SOX5: variants seen among roughly 807,000 people sequenced by gnomAD.
SOX5 encodes SRY-box transcription factor 5.
SOX5 carries 9 observed loss-of-function variants against 92.0 expected under a neutral mutation model. The ratio of observed to expected loss-of-function variants is 0.10; its 90% CI spans 0.06 to 0.17. The LOEUF is 0.17. Among genes scored for constraint, SOX5 ranks in the 10% least tolerant of loss-of-function variants. SOX5 has a pLI of 1.00. For synonymous variants in SOX5, 344 were observed against 336.3 expected (o/e 1.02, Z -0.25); for missense variants, 642 against 944.5 (o/e 0.68, Z 4.20).
chr12:24,337,946 A>G (rs558060842), intron 2 of SOX5, among the ~76,000 whole-genome samples: 1 of 152,198 alleles, frequency 6.6e-6, no homozygotes, highest in South Asian at 2.1e-4. Context: ...TTTTTTTTGC[A>G]CTAAAAGATG....
chr12:24,559,208 T>C (rs1403634087), intron 1 of SOX5, among the ~76,000 whole-genome samples: 1 of 152,214 alleles, frequency 6.6e-6, no homozygotes, highest in Admixed American at 6.5e-5. Context: ...TTTTGACCAG[T>C]GCATGAGGGA....
At chr12:24,554,181 C>T (rs138387623) in intron 1 of SOX5, among the ~76,000 whole-genome samples, 1 of 152,310 alleles carries the variant, frequency 6.6e-6, no homozygotes, top group East Asian at 1.9e-4. Flanking sequence ...AACGTCAGCT[C>T]TTAGTAGTCC....
intron 3 of SOX5, among the ~76,000 whole-genome samples, chr12:24,239,519 G>C (rs573759330): frequency 3.3e-5 from 5 of 152,188 alleles, no homozygotes; most frequent in Non-Finnish European, 7.3e-5. Context: ...AGCGTGGGGA[G>C]AGAACATTAA....
intron 1 of SOX5, among the ~76,000 whole-genome samples, chr12:24,403,373 T>G (rs2136668937): frequency 6.6e-6 from 1 of 152,314 alleles, no homozygotes; most frequent in East Asian, 1.9e-4. Context: ...AACCTTGTCT[T>G]AACTATCTTT....
At chr12:24,544,245 T>C (rs1329522134) in intron 1 of SOX5, among the ~76,000 whole-genome samples, 2 of 152,212 alleles carry the variant, frequency 1.3e-5, no homozygotes, top group Admixed American at 1.3e-4. Flanking sequence ...TAAACTCGTC[T>C]GAGTTTTACC....
chr12:24,067,388 T>C (rs1432216985), intron 4 of SOX5, among the ~76,000 whole-genome samples: 1 of 152,010 alleles, frequency 6.6e-6, no homozygotes, highest in Non-Finnish European at 1.5e-5. Flanking sequence ...AAAAATAACA[T>C]AATTGCCATA....
intron 6 of SOX5, among the ~76,000 whole-genome samples, chr12:23,694,444 T>C (rs2089455647): frequency 6.6e-6 from 1 of 152,188 alleles, no homozygotes; most frequent in African/African-American, 2.4e-5. Context: ...TGTGTCTCTC[T>C]GCAACCTAGT....
chr12:23,986,810 C>T (rs1489068970), intron 4 of SOX5, among the ~76,000 whole-genome samples: 5 of 151,874 alleles, frequency 3.3e-5, no homozygotes, highest in African/African-American at 2.4e-5. Flanking sequence ...ATTTATGATC[C>T]TTTAGAGGTT....
At chr12:23,625,465 T>C (rs777061479) in intron 8 of SOX5, among the ~76,000 whole-genome samples, 11 of 152,166 alleles carry the variant, frequency 7.2e-5, no homozygotes, top group Non-Finnish European at 1.6e-4. Flanking sequence ...ATGTTATCAA[T>C]TATATTTAGA....
intron 4 of SOX5, among the ~76,000 whole-genome samples, chr12:24,117,252 C>T (rs1171308203): frequency 6.6e-6 from 1 of 152,092 alleles, no homozygotes; most frequent in South Asian, 2.1e-4. Context: ...TAAATTAAAA[C>T]CATGTTGAGA....
In SOX5 at chr12:24,101,620, A is replaced by G. The variant is rs1946103746; in HGVS notation, c.-2+111723T>C. On this transcript the variant is annotated intron_variant, in intron 4 of 4. Coordinates refer to the SOX5 transcript ENST00000446891. The stretch of plus-strand genomic sequence containing the variant: ...GAATAAATGAATGACTGGACACTAT[A>G]CATCAAAATTCACCAGCAGAAAAAA... Among the ~76,000 whole-genome samples the G allele has an allele frequency of 3.9e-5, 6 of 152,156 alleles. No homozygotes were observed. In the South Asian group the frequency reaches 1.2e-3, roughly 32 times the overall value.
intron 1 of SOX5, among the ~76,000 whole-genome samples, chr12:24,522,479 A>C (rs1950346563): frequency 6.6e-6 from 1 of 152,176 alleles, no homozygotes; most frequent in African/African-American, 2.4e-5. Flanking sequence ...CAAGAAAAGA[A>C]GCTTCAGGCC....
chr12:24,192,441 A>G (rs934325934), intron 4 of SOX5, among the ~76,000 whole-genome samples: 3 of 152,224 alleles, frequency 2.0e-5, no homozygotes, highest in Non-Finnish European at 4.4e-5. Context: ...CAGATGAAGT[A>G]TCTTCGAAAG....
chr12:24,081,561 AT>A (rs929412790), intron 4 of SOX5, among the ~76,000 whole-genome samples: 1 of 151,724 alleles, frequency 6.6e-6, no homozygotes, highest in African/African-American at 2.4e-5. Context: ...ACATTCCTTT[AT>A]TTTTTTTCCT....
At chr12:23,890,422 T>C (rs1305022497) in intron 2 of SOX5, among the ~76,000 whole-genome samples, 2 of 151,926 alleles carry the variant, frequency 1.3e-5, no homozygotes, top group African/African-American at 2.4e-5. Context: ...TTTAAAAAAA[T>C]GACAACTGAT....
At position 24,066,704 on chromosome 12, in the gene SOX5, C is replaced by G. The variant is rs114468689; in HGVS notation, c.-2+146639G>C. Among the ~76,000 whole-genome samples the G allele has an allele frequency of 5.7e-3, 861 of 152,178 alleles. 10 individuals are homozygous for G. The highest frequency in any genetic ancestry group is 0.02 in the African/African-American group (816 of 41,498). Reference sequence around the variant, plus strand: ...AAACCATATCTGGTATAAAATGTAGCAGTGGTTAAAAGTTCACAATCATTC... The same window carrying G: ...AAACCATATCTGGTATAAAATGTAGGAGTGGTTAAAAGTTCACAATCATTC... On this transcript the variant is annotated intron_variant, in intron 4 of 4. Coordinates refer to the SOX5 transcript ENST00000446891.
chr12:23,932,340 A>G (rs1481333330), intron 1 of SOX5, among the ~76,000 whole-genome samples: 1 of 151,678 alleles, frequency 6.6e-6, no homozygotes, highest in Non-Finnish European at 1.5e-5. Flanking sequence ...AAGGGACTAG[A>G]AACTAAATGC....
chr12:24,325,773 G>T (rs143174322), intron 2 of SOX5, among the ~76,000 whole-genome samples: 4 of 152,320 alleles, frequency 2.6e-5, no homozygotes, highest in Admixed American at 2.6e-4. Flanking sequence ...TCCAGAATGA[G>T]ATGGATAACC....
intron 2 of SOX5, among the ~76,000 whole-genome samples, chr12:24,344,595 C>G (rs998222688): frequency 1.3e-5 from 2 of 152,140 alleles, no homozygotes; most frequent in African/African-American, 4.8e-5. Context: ...CTTTTTCAAA[C>G]ATTCAAATGA....
Sources: gnomAD v4.1 joint callset for allele counts (sites outside exome capture counted in the v4.1 genomes callset) on GRCh38, gnomAD v4.1.1 for gene constraint, MANE v1.5 for transcripts, NCBI Gene and HGNC (gene_info 2026-07-23, HGNC 2026-07-21) for gene names.